PDGFD: variants seen among roughly 807,000 people sequenced by gnomAD.
PDGFD encodes the protein platelet derived growth factor D, also known as platelet-derived growth factor D.
PDGFD carries 30 observed loss-of-function variants against 44.7 expected under a neutral mutation model. The ratio of observed to expected loss-of-function variants is 0.67; its 90% CI spans 0.50 to 0.91. PDGFD has a LOEUF of 0.91. Among genes scored for constraint, PDGFD ranks in the 40% least tolerant of loss-of-function variants. The pLI, the probability that PDGFD is intolerant of heterozygous loss-of-function variation, is 0.00. For missense variants in PDGFD, 445 were observed against 457.8 expected, an observed-to-expected ratio of 0.97 and a Z score of 0.25; for synonymous variants, 173 against 168.4, an observed-to-expected ratio of 1.03 and a Z score of -0.21.
At chr11:104,109,649 A>C (rs1861523463) in intron 1 of PDGFD, among the ~76,000 whole-genome samples, 2 of 152,200 alleles carry the variant, frequency 1.3e-5, no homozygotes, top group South Asian at 4.1e-4. Context: ...TAATGTCCAT[A>C]CACATGACAA....
chr11:104,099,636 C>CAATAATAATAAT (rs72280494), intron 1 of PDGFD, among the ~76,000 whole-genome samples: 102 of 142,744 alleles, frequency 7.1e-4, no homozygotes, highest in East Asian at 2.2e-3. Flanking sequence ...GTTTCAAAAA[C>CAATAATAATAAT]AATAATAATA....
intron 6 of PDGFD, among the ~76,000 whole-genome samples, chr11:103,922,749 AT>A (rs1303713494): frequency 9.5e-5 from 14 of 147,968 alleles, no homozygotes; most frequent in Non-Finnish European, 9.0e-5. Context: ...TTATTTATTT[AT>A]TTTTTTTTTA....
chr11:104,103,824 T>C (rs1298942453), intron 1 of PDGFD, among the ~76,000 whole-genome samples: 1 of 152,094 alleles, frequency 6.6e-6, no homozygotes, highest in African/African-American at 2.4e-5. Context: ...TAATTATAAA[T>C]GACTATGTAA....
In PDGFD at chr11:104,154,102, AATGTT is replaced by A. The variant is rs569599581; in HGVS notation, c.124+9697_124+9701del. ...TTTAAAAATATGTTTTATCCTCAAAAATGTTATGTTAATAGTTGTATAAATTGATA... is the reference window on the plus strand; with the variant it reads ...TTTAAAAATATGTTTTATCCTCAAAAATGTTAATAGTTGTATAAATTGATA... On this transcript the variant is annotated intron_variant, in intron 1 of 6. Transcript: ENST00000393158. Among the ~76,000 whole-genome samples the A allele has an allele frequency of 7.4e-4, 112 of 152,296 alleles. 1 individual carries two copies. The South Asian group carries it at 0.022, about 30-fold the overall frequency.
At chr11:104,123,248 A>G (rs116014103) in intron 1 of PDGFD, among the ~76,000 whole-genome samples, 227 of 152,210 alleles carry the variant, frequency 1.5e-3, no homozygotes, top group African/African-American at 5.4e-3. Context: ...TTGGGAAGTA[A>G]TGCTTAGGTC....
intron 1 of PDGFD, among the ~76,000 whole-genome samples, chr11:104,012,194 T>C (rs1218470591): frequency 6.6e-6 from 1 of 152,204 alleles, no homozygotes; most frequent in Non-Finnish European, 1.5e-5. Flanking sequence ...GATGAATTCC[T>C]AGCATTCTTT....
rs144930619 is a variant in PDGFD at position 103,946,408 on chromosome 11, C to T, written c.573+1254G>A. 2.6e-5 allele frequency: 4 copies of T among 152,310 alleles called. No homozygotes were observed. In the East Asian group the frequency reaches 7.7e-4, roughly 29 times the overall value. 9.4% of individuals were successfully genotyped at this position (152,310 alleles called of 1,614,324 possible). The stretch of plus-strand genomic sequence containing the variant: ...GATACTCCAAAAGGATGAGACAATG[C>T]CTCTCTTTTAAAGGACCTGGGTTAT... On this transcript the variant is annotated intron_variant, in intron 4 of 6. Coordinates refer to ENST00000393158, the MANE Select transcript of PDGFD (RefSeq NM_025208.5).
intron 1 of PDGFD, among the ~76,000 whole-genome samples, chr11:104,002,700 T>C (rs1485305213): frequency 6.6e-6 from 1 of 152,214 alleles, no homozygotes; most frequent in Non-Finnish European, 1.5e-5. Context: ...TATTATAGTA[T>C]TTTCAAGACT....
chr11:104,061,462 C>T (rs577098966), intron 1 of PDGFD, among the ~76,000 whole-genome samples: 11 of 152,136 alleles, frequency 7.2e-5, no homozygotes, highest in Non-Finnish European at 1.5e-4. Flanking sequence ...GCAAAAAAGA[C>T]TTAACAGATG....
chr11:103,932,129 A>T (rs1187783187), intron 5 of PDGFD, among the ~76,000 whole-genome samples: 1 of 151,752 alleles, frequency 6.6e-6, no homozygotes, highest in Non-Finnish European at 1.5e-5. Context: ...CATTTACTTC[A>T]TAGACCTTGT....
At chr11:103,910,800 C>T (rs1425938316) in intron 6 of PDGFD, among the ~76,000 whole-genome samples, 1 of 149,512 alleles carries the variant, frequency 6.7e-6, no homozygotes, top group Non-Finnish European at 1.5e-5. Flanking sequence ...GTCCCACCCC[C>T]ATGGAGCCCA....
At chr11:103,976,812 T>G (rs191119812) in intron 3 of PDGFD, among the ~76,000 whole-genome samples, 1 of 152,036 alleles carries the variant, frequency 6.6e-6, no homozygotes, top group African/African-American at 2.4e-5. Flanking sequence ...AATCATGTGG[T>G]TTTTTGTCAT....
At chr11:104,080,633 C>T (rs750625306) in intron 1 of PDGFD, among the ~76,000 whole-genome samples, 3 of 152,108 alleles carry the variant, frequency 2.0e-5, no homozygotes, top group Non-Finnish European at 4.4e-5. Context: ...CATTGTGTGC[C>T]GCCATCATGA....
intron 5 of PDGFD, among the ~76,000 whole-genome samples, chr11:103,929,895 T>C (rs1044967791): frequency 1.3e-5 from 2 of 152,130 alleles, no homozygotes; most frequent in African/African-American, 2.4e-5. Flanking sequence ...GTGAGACTTC[T>C]GGGAGGGAGA....
At position 103,908,072 on chromosome 11, in the gene PDGFD, G is replaced by A. The variant is rs1358535692; in HGVS notation, c.*1622C>T. Reference sequence around the variant, plus strand: ...TATTTAGGTCACTCATCTAACACTGGGACTTTACCAGCCCTGTCACCCAAA... The same window carrying A: ...TATTTAGGTCACTCATCTAACACTGAGACTTTACCAGCCCTGTCACCCAAA... On this transcript the variant is annotated 3_prime_UTR_variant, in exon 7 of 7. Transcript: ENST00000393158. 1 of 152,054 alleles carries A rather than the reference G, an allele frequency of 6.6e-6. No individual in the cohort carries two copies. Among genetic ancestry groups the A allele is most frequent in the African/African-American group, 2.4e-5 (1 of 41,406 alleles). The allele number at this position is 152,054 out of a possible 1,614,324, so 9.4% of individuals were successfully genotyped here.
intron 1 of PDGFD, among the ~76,000 whole-genome samples, chr11:104,127,097 CT>C (rs1340512011): frequency 6.6e-6 from 1 of 152,036 alleles, no homozygotes; most frequent in Non-Finnish European, 1.5e-5. Context: ...AAAAAGAGCT[CT>C]TCAAAGAGAA....
intron 1 of PDGFD, chr11:104,037,950 A>ACCGTGC (rs771265239): frequency 6.2e-7 from 1 of 1,614,078 alleles, no homozygotes; most frequent in East Asian, 2.2e-5. Flanking sequence ...TAAGTGGGCA[A>ACCGTGC]GATGAGTCTT....
intron 1 of PDGFD, among the ~76,000 whole-genome samples, chr11:104,073,583 T>G (rs1395077803): frequency 6.6e-6 from 1 of 152,192 alleles, no homozygotes; most frequent in Non-Finnish European, 1.5e-5. Context: ...TCATACATTT[T>G]CCTGAGATAT....
chr11:103,958,332 G>A (rs935778148), intron 3 of PDGFD, among the ~76,000 whole-genome samples: 2 of 152,078 alleles, frequency 1.3e-5, no homozygotes, highest in African/African-American at 2.4e-5. Flanking sequence ...TAAAATAAAC[G>A]AATCTTCTTG....
Sources: gnomAD v4.1 joint callset for allele counts (sites outside exome capture counted in the v4.1 genomes callset) on GRCh38, gnomAD v4.1.1 for gene constraint, MANE v1.5 for transcripts, NCBI Gene and HGNC (gene_info 2026-07-23, HGNC 2026-07-21) for gene names.